TBC1D19: variants seen among roughly 807,000 people sequenced by gnomAD.
TBC1D19 encodes TBC1 domain family member 19, also known as TBC1 domain family, member 19.
In TBC1D19, 60 loss-of-function variants were observed where a neutral mutation model predicts 89.0. The ratio of observed to expected loss-of-function variants is 0.67; its 90% CI spans 0.55 to 0.84. The LOEUF is 0.84. Among genes scored for constraint, TBC1D19 ranks in the 40% least tolerant of loss-of-function variants. TBC1D19 has a pLI of 0.00. For synonymous variants in TBC1D19, 189 were observed against 199.7 expected (o/e 0.95, Z 0.45); for missense variants, 500 against 610.8 (o/e 0.82, Z 1.91).
chr4:26,807,159 C>T, the TBC1D19 span, among the ~76,000 whole-genome samples: 18 of 152,224 alleles, frequency 1.2e-4, no homozygotes, highest in East Asian at 3.9e-4. Context: ...TTAGGGGTGT[C>T]GGCAACCTTC....
At position 26,675,883 on chromosome 4, in the gene TBC1D19, T is replaced by A. The variant is rs529401345; in HGVS notation, c.816+1995T>A. On this transcript the variant is annotated intron_variant, in intron 11 of 20. Coordinates refer to ENST00000264866, the MANE Select transcript of TBC1D19 (RefSeq NM_018317.4). ...CTAGTAGTTAATTCTTTTCATACTT[T>A]GAATAGAATATTATCTAACTTTCAT... is the stretch of plus-strand genomic sequence containing the variant. Among the ~76,000 whole-genome samples, 3 of 152,322 alleles carry A rather than the reference T, an allele frequency of 2.0e-5. No individual in the cohort carries two copies. In the South Asian group the frequency reaches 6.2e-4, roughly 32 times the overall value.
intron 10 of TBC1D19, among the ~76,000 whole-genome samples, chr4:26,673,198 A>G (rs1712465186): frequency 6.6e-6 from 1 of 151,664 alleles, no homozygotes; most frequent in Non-Finnish European, 1.5e-5. Context: ...CTTTGTTTCT[A>G]CGTCTTTGAA....
chr4:26,707,660 G>A (rs1019319367), intron 13 of TBC1D19, among the ~76,000 whole-genome samples: 2 of 151,842 alleles, frequency 1.3e-5, no homozygotes, highest in African/African-American at 4.8e-5. Context: ...GTGTGTGTGT[G>A]TAGTGAAATG....
At chr4:26,708,325 A>G (rs1458119395) in intron 13 of TBC1D19, among the ~76,000 whole-genome samples, 1 of 152,024 alleles carries the variant, frequency 6.6e-6, no homozygotes, top group African/African-American at 2.4e-5. Context: ...CTGATGAGAA[A>G]TCTGCTAATA....
intron 1 of TBC1D19, among the ~76,000 whole-genome samples, chr4:26,577,798 T>C (rs924419937): frequency 6.6e-6 from 1 of 152,318 alleles, no homozygotes; most frequent in Non-Finnish European, 1.5e-5. Context: ...GCCCGGAGTG[T>C]ACTGAAAATC....
the TBC1D19 span, among the ~76,000 whole-genome samples, chr4:26,775,176 A>T: frequency 6.6e-6 from 1 of 152,188 alleles, no homozygotes; most frequent in Non-Finnish European, 1.5e-5. Context: ...GCCAGGCCAG[A>T]TGCAGTGGCT....
intron 1 of TBC1D19, among the ~76,000 whole-genome samples, chr4:26,608,944 C>T (rs1350713710): frequency 6.7e-6 from 1 of 149,778 alleles, no homozygotes; most frequent in African/African-American, 2.5e-5. Context: ...AGCAAACTAT[C>T]GCAAGGACAA....
intron 7 of TBC1D19, among the ~76,000 whole-genome samples, chr4:26,650,640 A>C (rs1281938477): frequency 6.6e-6 from 1 of 152,034 alleles, no homozygotes; most frequent in Non-Finnish European, 1.5e-5. Context: ...TAGATTGCAA[A>C]AATTTTCTCC....
intron 15 of TBC1D19, among the ~76,000 whole-genome samples, chr4:26,728,799 G>T (rs373512495): frequency 3.3e-5 from 5 of 152,044 alleles, no homozygotes; most frequent in African/African-American, 9.6e-5. Flanking sequence ...GGATCACGAG[G>T]TCAGGAGATC....
chr4:26,606,031 T>C (rs1740977790), intron 1 of TBC1D19, among the ~76,000 whole-genome samples: 1 of 152,218 alleles, frequency 6.6e-6, no homozygotes, highest in Non-Finnish European at 1.5e-5. Context: ...AATAATTTTT[T>C]TGAGATGTAG....
chr4:26,640,200 G>A lies in TBC1D19; in HGVS notation c.480+13G>A, dbSNP rs368668164. ...GGATTTTCTTGAGGTAGGTTCTATT[G>A]GATAAATACACATATATTAATGAAT... On this transcript the variant is annotated intron_variant, in intron 7 of 20. Transcript: ENST00000264866. 127 of 1,580,250 alleles carry A rather than the reference G, an allele frequency of 8.0e-5. No homozygotes were observed. The highest frequency in any genetic ancestry group is 1.0e-4 in the Non-Finnish European group (118 of 1,152,024).
Position 26,732,173 on chromosome 4 carries a change from T to G in TBC1D19, c.1085-3282T>G, listed in dbSNP as rs144206240. On this transcript the variant is annotated intron_variant, in intron 15 of 20. Coordinates refer to ENST00000264866, the MANE Select transcript of TBC1D19 (RefSeq NM_018317.4). ...AGATACACCCACCCCTTGCTTCTAC[T>G]CTGCTTCGTTAGAGGAGTAAAGAGC... Among the ~76,000 whole-genome samples the G allele has an allele frequency of 2.1e-4, 32 of 152,314 alleles. No homozygotes were observed. The East Asian group carries it at 5.4e-3, about 26-fold the overall frequency.
chr4:26,694,831 T>C (rs538027757), intron 13 of TBC1D19, among the ~76,000 whole-genome samples: 1 of 151,942 alleles, frequency 6.6e-6, no homozygotes, highest in East Asian at 1.9e-4. Context: ...CAGCTGAGGG[T>C]CCTGACTGTT....
chr4:26,779,224 C>A, the TBC1D19 span, among the ~76,000 whole-genome samples: 1 of 152,182 alleles, frequency 6.6e-6, no homozygotes, highest in Non-Finnish European at 1.5e-5. Context: ...CCTCCTTCAA[C>A]AATGTCAATA....
rs182549662 is a variant in TBC1D19, at chr4:26,694,074, G to A, written c.954+5667G>A. Among the ~76,000 whole-genome samples, 293 of 152,230 alleles carry A rather than the reference G, an allele frequency of 1.9e-3. 1 individual carries two copies. The highest frequency in any genetic ancestry group is 6.4e-3 in the African/African-American group (266 of 41,540). On this transcript the variant is annotated intron_variant, in intron 13 of 20. Coordinates refer to ENST00000264866, the MANE Select transcript of TBC1D19 (RefSeq NM_018317.4). ...GGCAGGACAGTGGGTGCAGCCCACC[G>A]AGTGTGAGCCGAAGCAGGGTGAGGC...
intron 1 of TBC1D19, among the ~76,000 whole-genome samples, chr4:26,598,456 A>G (rs1436743668): frequency 1.3e-5 from 2 of 152,066 alleles, no homozygotes; most frequent in African/African-American, 2.4e-5. Flanking sequence ...GTGCAGAGGC[A>G]CGACCTTGGC....
chr4:26,808,279 A>G, the TBC1D19 span, among the ~76,000 whole-genome samples: 1 of 152,224 alleles, frequency 6.6e-6, no homozygotes, highest in Non-Finnish European at 1.5e-5. Context: ...GACGTACACA[A>G]GTTCCCTGGC....
At chr4:26,854,474 T>C in the TBC1D19 span, among the ~76,000 whole-genome samples, 1 of 152,200 alleles carries the variant, frequency 6.6e-6, no homozygotes, top group African/African-American at 2.4e-5. Flanking sequence ...CCAGCTTATG[T>C]GCCTCCCTGG....
rs537983596 is a variant in TBC1D19 at position 26,595,221 on chromosome 4, T to C, written c.99+10929T>C. 2.7e-4 allele frequency among the ~76,000 whole-genome samples: 41 copies of C among 152,364 alleles called. No homozygotes were observed. The South Asian group carries it at 8.3e-3, about 31-fold the overall frequency. The stretch of plus-strand genomic sequence containing the variant: ...AGTATCCTTTTATGTTTATTTGCCA[T>C]CTGTGTGTCTTCTTTAGTCAGGTGT... On this transcript the variant is annotated intron_variant, in intron 1 of 20. Transcript: ENST00000264866.
Sources: gnomAD v4.1 joint callset for allele counts (sites outside exome capture counted in the v4.1 genomes callset) on GRCh38, gnomAD v4.1.1 for gene constraint, MANE v1.5 for transcripts, NCBI Gene and HGNC (gene_info 2026-07-23, HGNC 2026-07-21) for gene names.